CD1E: variants seen among roughly 807,000 people sequenced by gnomAD.
CD1E encodes the protein T-cell surface glycoprotein CD1e, membrane-associated.
CD1E carries 49 observed loss-of-function variants against 40.1 expected under a neutral mutation model. That is an observed-to-expected ratio of 1.22 (90% CI 0.97 to 1.55). The LOEUF is 1.55. Ranked by LOEUF, CD1E falls within the 40% of genes most tolerant of loss-of-function variation. The probability of loss-of-function intolerance (pLI) is 0.00; values close to 1 mark genes in which losing one functional copy is unlikely to be tolerated. For missense variants in CD1E, 492 were observed against 471.3 expected (o/e 1.04, Z -0.41); for synonymous variants, 189 against 178.3 (o/e 1.06, Z -0.48).
rs1557841884 is a variant in CD1E at position 158,357,161 on chromosome 1, C to G, written c.*265C>G. The G allele has an allele frequency of 5.8e-6, 2 of 344,684 alleles. No individual in the cohort carries two copies. Among genetic ancestry groups the G allele is most frequent in the Non-Finnish European group, 1.1e-5 (2 of 187,506 alleles). The allele number at this position is 344,684 out of a possible 1,614,324, so 21.4% of individuals were successfully genotyped here. On this transcript the variant is annotated 3_prime_UTR_variant, in exon 6 of 6. Coordinates refer to ENST00000368167, the MANE Select transcript of CD1E (RefSeq NM_030893.4). Reference sequence around the variant, plus strand: ...ACCCAATTGATAGCTCTTCTGTACTCCCCAAATTGAACTGATCTTCACAAG... The same window carrying G: ...ACCCAATTGATAGCTCTTCTGTACTGCCCAAATTGAACTGATCTTCACAAG...
chr1:158,355,800 A>T (rs1653568291), intron 3 of CD1E, 27 bp from the exon 4 acceptor site: 2 of 1,589,076 alleles, frequency 1.3e-6, no homozygotes, highest in Non-Finnish European at 8.6e-7. Context: ...TCAAAATTCC[A>T]TTTTTTTTCT....
rs1653301007 is a variant in CD1E, at chr1:158,354,060, A to G, written c.58+14A>G. The stretch of plus-strand genomic sequence containing the variant: ...AAAATACAGCAGGTAAGAAGAGTGC[A>G]GGTGGAAAGATACCTATGGTAGGGC... On this transcript the variant is annotated intron_variant, in intron 1 of 5. Transcript: ENST00000368167. 1 of 1,610,880 alleles carries G rather than the reference A, an allele frequency of 6.2e-7. No homozygotes were observed. The highest frequency in any genetic ancestry group is 8.5e-7 in the Non-Finnish European group (1 of 1,177,110).
chr1:158,355,858 C>T lies in CD1E; in HGVS notation c.657C>T (p.Pro219=). The stretch of plus-strand genomic sequence containing the variant: ...CAGAGGCCTGGCTGTCCTGTGGCCC[C>T]AGTCCTGGCCCTGGCCGTCTGCAGC... ...VKPEAWLSCG[P]SPGPGRLQLV... Residue 219 remains proline (P), a synonymous_variant, in exon 4 of 6, where the codon CCC becomes CCT. Transcript: ENST00000368167. 6.2e-7 allele frequency: 1 copy of T among 1,614,040 alleles called. No homozygotes were observed. Among genetic ancestry groups the T allele is most frequent in the Non-Finnish European group, 8.5e-7 (1 of 1,179,958 alleles).
chr1:158,357,284 G>A lies in CD1E; in HGVS notation c.*388G>A, dbSNP rs1045688615. ...GCTTGAAAGTAGGATTTAGGTATTT[G>A]TGTCTGTATTCATGACCAAAAATCT... On this transcript the variant is annotated 3_prime_UTR_variant, in exon 6 of 6. Coordinates refer to ENST00000368167, the MANE Select transcript of CD1E (RefSeq NM_030893.4). 6.1e-6 allele frequency: 1 copy of A among 164,236 alleles called. No individual in the cohort carries two copies. The highest frequency in any genetic ancestry group is 2.5e-5 in the African/African-American group (1 of 40,550). The allele number at this position is 164,236 out of a possible 1,614,324, so 10.2% of individuals were successfully genotyped here.
rs775558835 is a variant in CD1E at position 158,356,490 on chromosome 1, C to T, written c.905-8C>T. ...TAGGGTTGGTATTCTTATTCTATCC[C>T]CAACCAGGTGGATATTCCATCTTTC... On this transcript the variant is annotated splice_region_variant and splice_polypyrimidine_tract_variant and intron_variant, in intron 4 of 5. Transcript: ENST00000368167. The T allele has an allele frequency of 1.3e-6, 2 of 1,596,904 alleles. No homozygotes were observed. The highest frequency in any genetic ancestry group is 1.1e-5 in the South Asian group (1 of 90,110).
rs1334271666 is a variant in CD1E at position 158,355,947 on chromosome 1, A to G, written c.746A>G (p.Gln249Arg). ...TGGGTGATGTGGATGCGGGGTGAGC[A>G]GGAGCAGCGGGGCACTCAGCGAGGG... is the stretch of plus-strand genomic sequence containing the variant. ...PVWVMWMRGE[Q>R]EQRGTQRGDV... Residue 249 changes from glutamine (Q) to arginine (R), a missense_variant, in exon 4 of 6, where the codon CAG (glutamine) becomes CGG (arginine). Coordinates refer to ENST00000368167, the MANE Select transcript of CD1E (RefSeq NM_030893.4). The G allele has an allele frequency of 6.2e-7, 1 of 1,614,150 alleles. No individual in the cohort carries two copies. The highest frequency in any genetic ancestry group is 2.2e-5 in the East Asian group (1 of 44,850).
chr1:158,354,778 T>C, intron 2 of CD1E, 105 bp downstream of exon 2: 1 of 985,616 alleles, frequency 1.0e-6, no homozygotes, highest in East Asian at 2.6e-5. Flanking sequence ...TTACTAACCT[T>C]GTTCCCCACT....
chr1:158,355,527 G>A lies in CD1E; in HGVS notation c.583G>A (p.Ala195Thr). ...TGGTCACACCTGCCCTCGATTTCTAGCGGGGCTCATGGAAGCAGGGGAGTC... is the reference window on the plus strand; with the variant it reads ...TGGTCACACCTGCCCTCGATTTCTAACGGGGCTCATGGAAGCAGGGGAGTC... The part of the protein sequence containing the change: ...LLGHTCPRFL[A>T]GLMEAGESEL... Residue 195 changes from alanine (A) to threonine (T), a missense_variant, in exon 3 of 6, where the codon GCG (alanine) becomes ACG (threonine). Coordinates refer to ENST00000368167, the MANE Select transcript of CD1E (RefSeq NM_030893.4). The A allele has an allele frequency of 6.2e-7, 1 of 1,614,108 alleles. No homozygotes were observed. The highest frequency in any genetic ancestry group is 2.2e-5 in the East Asian group (1 of 44,880).
intron 3 of CD1E, 49 bp from the exon 4 acceptor site, chr1:158,355,778 C>CT (rs1485982689): frequency 6.4e-7 from 1 of 1,557,930 alleles, no homozygotes; most frequent in East Asian, 2.3e-5. Context: ...GAGCTCTGGC[C>CT]TGGGGTGCCC....
intron 3 of CD1E, 29 bp from the exon 4 acceptor site, chr1:158,355,798 C>G (rs755327072): frequency 6.3e-7 from 1 of 1,589,826 alleles, no homozygotes; most frequent in South Asian, 1.1e-5. Context: ...CTTCAAAATT[C>G]CATTTTTTTT....
At position 158,354,012 on chromosome 1, in the gene CD1E, C is replaced by A; in HGVS notation, c.24C>A (p.Phe8Leu). Residue 8 changes from phenylalanine (F) to leucine (L), a missense_variant, in exon 1 of 6, where the codon TTC becomes TTA. Phe to Leu is a conservative substitution (Grantham distance 22, BLOSUM62 0). Coordinates refer to ENST00000368167, the MANE Select transcript of CD1E (RefSeq NM_030893.4). MLLLFLLFEGLCCPGENT... is the reference protein window; with the variant it reads MLLLFLLLEGLCCPGENT... ...CAATGCTGCTCCTGTTCCTCCTCTTCGAGGGTCTCTGCTGTCCTGGGGAAA... is the reference window on the plus strand; with the variant it reads ...CAATGCTGCTCCTGTTCCTCCTCTTAGAGGGTCTCTGCTGTCCTGGGGAAA... 6.2e-7 allele frequency: 1 copy of A among 1,614,014 alleles called. No individual in the cohort carries two copies. Among genetic ancestry groups the A allele is most frequent in the Non-Finnish European group, 8.5e-7 (1 of 1,179,916 alleles).
At chr1:158,355,766 C>CT in intron 3 of CD1E, 61 bp from the exon 4 acceptor site, 1 of 1,524,274 alleles carries the variant, frequency 6.6e-7, no homozygotes, top group African/African-American at 1.4e-5. Flanking sequence ...ACCTGAGTCT[C>CT]TGAGCTCTGG....
In CD1E at chr1:158,357,247, T is replaced by G. The variant is rs1465417174; in HGVS notation, c.*351T>G. 2 of 173,386 alleles carry G rather than the reference T, an allele frequency of 1.2e-5. No homozygotes were observed. The highest frequency in any genetic ancestry group is 1.5e-4 in the South Asian group (1 of 6,734). 10.7% of individuals were successfully genotyped at this position (173,386 alleles called of 1,614,324 possible). A position where few individuals can be genotyped will look rare whatever the true frequency, so the allele number is the denominator to read the frequency against. ...TTAGGTTTTTGCTCTTTTTTTTTTTTTAATCTCAGTTGCTTGAAAGTAGGA... is the reference window on the plus strand; with the variant it reads ...TTAGGTTTTTGCTCTTTTTTTTTTTGTAATCTCAGTTGCTTGAAAGTAGGA... On this transcript the variant is annotated 3_prime_UTR_variant, in exon 6 of 6. Transcript: ENST00000368167.
chr1:158,355,103 A>G (rs115458071), intron 2 of CD1E, among the ~76,000 whole-genome samples, 197 bp from the exon 3 acceptor site: 1,624 of 152,166 alleles, frequency 0.011, 27 homozygotes, highest in African/African-American at 0.037. Context: ...CCACTTTCCC[A>G]TTAGTTATTT....
Position 158,355,837 on chromosome 1 carries a change from G to A in CD1E, c.636G>A (p.Glu212=). The A allele has an allele frequency of 3.1e-6, 5 of 1,612,202 alleles. No homozygotes were observed. Among genetic ancestry groups the A allele is most frequent in the Non-Finnish European group, 3.4e-6 (4 of 1,178,680 alleles). The change falls in exon 4 of 6, where the codon GAG becomes GAA. Residue 212 remains glutamate (E), a synonymous_variant. Coordinates refer to ENST00000368167, the MANE Select transcript of CD1E (RefSeq NM_030893.4). ...TCTTCTTCTTCCTAGTGAAGCCAGA[G>A]GCCTGGCTGTCCTGTGGCCCCAGTC... is the stretch of plus-strand genomic sequence containing the variant. ...ESELKRKVKP[E]AWLSCGPSPG... is the part of the protein sequence containing the mutation.
Position 158,354,368 on chromosome 1 carries a change from C to G in CD1E, c.59-9C>G. 1 of 1,576,854 alleles carries G rather than the reference C, an allele frequency of 6.3e-7. No individual in the cohort carries two copies. The highest frequency in any genetic ancestry group is 1.9e-5 in the Admixed American group (1 of 54,020). On this transcript the variant is annotated splice_polypyrimidine_tract_variant and intron_variant, in intron 1 of 5. Coordinates refer to ENST00000368167, the MANE Select transcript of CD1E (RefSeq NM_030893.4). ...CATTCTCTCTACTTGTCATTTCCCT[C>G]TCTCTCAGCTCCCCAGGCTCTACAA... is the stretch of plus-strand genomic sequence containing the variant.
chr1:158,356,370 A>G (rs1653684284), intron 4 of CD1E, 128 bp from the exon 5 acceptor site: 1 of 841,048 alleles, frequency 1.2e-6, no homozygotes, highest in Non-Finnish European at 1.9e-6. Flanking sequence ...ATCAGGAGGA[A>G]TTGAAATGAG....
At chr1:158,355,169 C>T in intron 2 of CD1E, 131 bp from the exon 3 acceptor site, 2 of 827,302 alleles carry the variant, frequency 2.4e-6, no homozygotes, top group Non-Finnish European at 3.8e-6. Flanking sequence ...TCCCCTTTGC[C>T]AGTAAACTCT....
chr1:158,356,164 T>A, intron 4 of CD1E, 59 bp downstream of exon 4: 1 of 1,584,900 alleles, frequency 6.3e-7, no homozygotes, highest in Non-Finnish European at 8.6e-7. Context: ...GGCTTTTGAG[T>A]GTGGGGCTGA....
Sources: gnomAD v4.1 joint callset for allele counts (sites outside exome capture counted in the v4.1 genomes callset) on GRCh38, gnomAD v4.1.1 for gene constraint, MANE v1.5 for transcripts, NCBI Gene and HGNC (gene_info 2026-07-23, HGNC 2026-07-21) for gene names.